Variants in CA8 observed in about 807,000 individuals in gnomAD.
CA8 encodes the protein carbonic anhydrase 8 (inactive).
In CA8, 22 loss-of-function variants were observed where a neutral mutation model predicts 41.4. That is an observed-to-expected ratio of 0.53 (90% CI 0.38 to 0.76). The LOEUF (loss-of-function observed/expected upper bound fraction) is 0.76, where lower values mean the gene tolerates loss of function less well. Ranked by LOEUF, CA8 falls within the 30% of genes least tolerant of loss-of-function variation. The pLI is 0.00. For synonymous variants in CA8, 121 were observed against 130.6 expected (o/e 0.93, Z 0.50); for missense variants, 270 against 352.8 (o/e 0.77, Z 1.88).
At chr8:60,238,590 A>T (rs1214120224) in intron 3 of CA8, among the ~76,000 whole-genome samples, 1 of 152,098 alleles carries the variant, frequency 6.6e-6, no homozygotes, top group Non-Finnish European at 1.5e-5. Flanking sequence ...CCGTGCCTTT[A>T]TCTCCAGAGC....
chr8:60,228,399 A>G (rs7463207), intron 4 of CA8, among the ~76,000 whole-genome samples: 52,447 of 152,126 alleles, frequency 0.34, 9,683 homozygotes, highest in Admixed American at 0.43. Flanking sequence ...GTTTAACCAT[A>G]CTATAGCACT....
intron 3 of CA8, among the ~76,000 whole-genome samples, chr8:60,247,198 A>T (rs897022104): frequency 3.3e-5 from 5 of 152,092 alleles, no homozygotes; most frequent in African/African-American, 1.2e-4. Flanking sequence ...CGGCTTTTAC[A>T]GTGACCACTT....
intron 8 of CA8, among the ~76,000 whole-genome samples, chr8:60,199,093 G>A (rs1806354234): frequency 6.6e-6 from 1 of 152,058 alleles, no homozygotes; most frequent in East Asian, 1.9e-4. Context: ...ATCTTGGAAT[G>A]CTTCAAATAC....
At chr8:60,273,798 A>G (rs931205280) in intron 2 of CA8, among the ~76,000 whole-genome samples, 1 of 152,244 alleles carries the variant, frequency 6.6e-6, no homozygotes, top group Non-Finnish European at 1.5e-5. Context: ...TGAGTTCATC[A>G]GTGACCTTGG....
intron 3 of CA8, among the ~76,000 whole-genome samples, chr8:60,256,545 C>G (rs142370563): frequency 6.6e-6 from 1 of 152,244 alleles, no homozygotes; most frequent in Admixed American, 6.5e-5. Flanking sequence ...GCGCAAATAT[C>G]TTACTAACAT....
intron 8 of CA8, among the ~76,000 whole-genome samples, chr8:60,201,393 T>G (rs910373922): frequency 6.6e-6 from 1 of 152,110 alleles, no homozygotes; most frequent in Non-Finnish European, 1.5e-5. Context: ...ACTCCAACAT[T>G]AAGTGGACTC....
At position 60,186,552 on chromosome 8, in the gene CA8, A is replaced by G. The variant is rs746891793; in HGVS notation, c.*3469T>C. Reference sequence around the variant, plus strand: ...AAGTAAAATGGCAGACACAAATCCAACTATATAAACAATAACATTAAGTGC... The same window carrying G: ...AAGTAAAATGGCAGACACAAATCCAGCTATATAAACAATAACATTAAGTGC... On this transcript the variant is annotated 3_prime_UTR_variant, in exon 9 of 9. Transcript: ENST00000317995. 4.1e-4 allele frequency among the ~76,000 whole-genome samples: 63 copies of G among 151,982 alleles called. No individual in the cohort carries two copies. The highest frequency in any genetic ancestry group is 8.2e-4 in the Non-Finnish European group (56 of 67,902).
At chr8:60,234,981 C>A (rs1037444395) in intron 3 of CA8, among the ~76,000 whole-genome samples, 7 of 152,202 alleles carry the variant, frequency 4.6e-5, no homozygotes, top group African/African-American at 1.7e-4. Flanking sequence ...CAACCTTCAG[C>A]TGTAACCTAG....
At chr8:60,237,470 G>A (rs999610325) in intron 3 of CA8, among the ~76,000 whole-genome samples, 10 of 152,188 alleles carry the variant, frequency 6.6e-5, no homozygotes, top group African/African-American at 1.4e-4. Flanking sequence ...AGGGTCGGCC[G>A]CATTAGCACT....
At chr8:60,215,446 A>G (rs1806987303) in intron 7 of CA8, among the ~76,000 whole-genome samples, 1 of 151,808 alleles carries the variant, frequency 6.6e-6, no homozygotes, top group Non-Finnish European at 1.5e-5. Flanking sequence ...ATAAAAGACT[A>G]CAAGTTGGGT....
intron 3 of CA8, among the ~76,000 whole-genome samples, chr8:60,239,498 A>G (rs1182870534): frequency 1.3e-5 from 2 of 152,258 alleles, no homozygotes; most frequent in African/African-American, 2.4e-5. Flanking sequence ...TGAGAAAAAA[A>G]CAATTGCAAG....
intron 2 of CA8, among the ~76,000 whole-genome samples, chr8:60,276,400 T>G (rs7462181): frequency 1 from 152,171 of 152,252 alleles, 76,045 homozygotes; most frequent in Middle Eastern, 1. Flanking sequence ...TGATGCACGC[T>G]AATGTCCTAA....
chr8:60,235,207 C>T (rs187307921), intron 3 of CA8, among the ~76,000 whole-genome samples: 3 of 152,280 alleles, frequency 2.0e-5, no homozygotes, highest in East Asian at 3.9e-4. Context: ...AAGGTGTGGG[C>T]AGGGCTGGTT....
At position 60,208,906 on chromosome 8, in the gene CA8, C is replaced by T. The variant is rs773452906; in HGVS notation, c.752G>A (p.Arg251Gln). ...TISQLQIEEFRRLRTHVKGAE... is the reference protein window; with the variant it reads ...TISQLQIEEFQRLRTHVKGAE... ...CCCCTTAACATGTGTCCTCAGCCTT[C>T]GAAATTCTTCTATCTGAAAATAAAA... Residue 251 changes from arginine (R) to glutamine (Q), a missense_variant, in exon 8 of 9, where the codon CGA becomes CAA. By Grantham distance (43) the Arg-to-Gln change is conservative. Coordinates refer to ENST00000317995, the MANE Select transcript of CA8 (RefSeq NM_004056.6). 1 of 1,613,944 alleles carries T rather than the reference C, an allele frequency of 6.2e-7. No individual in the cohort carries two copies. The highest frequency in any genetic ancestry group is 8.5e-7 in the Non-Finnish European group (1 of 1,179,984).
chr8:60,197,784 CAG>C lies in CA8; in HGVS notation c.*36-7801_*36-7800del, dbSNP rs1806322670. 3.3e-5 allele frequency among the ~76,000 whole-genome samples: 5 copies of C among 152,220 alleles called. No homozygotes were observed. The East Asian group carries it at 5.8e-4, about 18-fold the overall frequency. ...TGGAGACAAGGAAACAAAAAGCAAACAGAGAAATCAAAGGTGACCTTTGCTAC... is the reference window on the plus strand; with the variant it reads ...TGGAGACAAGGAAACAAAAAGCAAACAGAAATCAAAGGTGACCTTTGCTAC... On this transcript the variant is annotated intron_variant, in intron 8 of 8. Transcript: ENST00000317995.
chr8:60,236,900 A>G (rs1402069029), intron 3 of CA8, among the ~76,000 whole-genome samples: 15 of 152,218 alleles, frequency 9.9e-5, no homozygotes, highest in Admixed American at 3.3e-4. Flanking sequence ...TACTACAGAT[A>G]TGGCTTAGGA....
intron 2 of CA8, among the ~76,000 whole-genome samples, chr8:60,275,766 TC>T (rs1192296725): frequency 6.6e-6 from 1 of 152,052 alleles, no homozygotes. Flanking sequence ...GCAGAAACAA[TC>T]CCACCAAGGC....
chr8:60,240,518 G>T (rs543132328), intron 3 of CA8, among the ~76,000 whole-genome samples: 38 of 152,320 alleles, frequency 2.5e-4, no homozygotes, highest in African/African-American at 8.4e-4. Flanking sequence ...ATAACAGGCT[G>T]CTGTTAAGTT....
chr8:60,232,437 A>G, intron 3 of CA8, 58 bp from the exon 4 acceptor site: 1 of 1,164,728 alleles, frequency 8.6e-7, no homozygotes, highest in Non-Finnish European at 1.3e-6. Flanking sequence ...TAATCATAAA[A>G]GCAAAGATAT....
Sources: gnomAD v4.1 joint callset for allele counts (sites outside exome capture counted in the v4.1 genomes callset) on GRCh38, gnomAD v4.1.1 for gene constraint, MANE v1.5 for transcripts, NCBI Gene and HGNC (gene_info 2026-07-23, HGNC 2026-07-21) for gene names.